The following MYCBP2 variants were observed in gnomAD, a reference collection of about 807,000 sequenced individuals.
MYCBP2 encodes E3 ubiquitin-protein ligase MYCBP2.
Under a neutral mutation model 525.3 loss-of-function variants are expected in MYCBP2, and 120 were observed. The observed-to-expected ratio is 0.23, with a 90% CI of 0.20 to 0.27. MYCBP2 has a LOEUF of 0.27. Among genes scored for constraint, MYCBP2 ranks in the 10% least tolerant of loss-of-function variants. The pLI, the probability that MYCBP2 is intolerant of heterozygous loss-of-function variation, is 1.00. For missense variants in MYCBP2, 4,149 were observed against 5,657.1 expected (o/e 0.73, Z 8.55); for synonymous variants, 1,894 against 1,955.8 (o/e 0.97, Z 0.83).
intron 38 of MYCBP2, among the ~76,000 whole-genome samples, chr13:77,170,577 CTT>C (rs1157749294): frequency 1.2e-4 from 17 of 138,926 alleles, no homozygotes; most frequent in Admixed American, 3.6e-4. Context: ...GTGGAGGTAA[CTT>C]TTTTTTTTTT....
At chr13:77,073,479 C>G (rs143250859) in intron 68 of MYCBP2, among the ~76,000 whole-genome samples, 1 of 152,132 alleles carries the variant, frequency 6.6e-6, no homozygotes, top group African/African-American at 2.4e-5. Flanking sequence ...AGATCCAGAA[C>G]AAGTCAGAGC....
chr13:77,188,181 A>G (rs1341301798), intron 30 of MYCBP2, among the ~76,000 whole-genome samples: 1 of 152,038 alleles, frequency 6.6e-6, no homozygotes, highest in Non-Finnish European at 1.5e-5. Context: ...TACTTTTAGG[A>G]TACTTTTATC....
rs899147963 is a variant in MYCBP2, at chr13:77,045,288, G to A, written c.*90C>T. 1.8e-5 allele frequency: 15 copies of A among 810,992 alleles called. No homozygotes were observed. The highest frequency in any genetic ancestry group is 5.1e-5 in the African/African-American group (3 of 58,956). 50.2% of individuals were successfully genotyped at this position (810,992 alleles called of 1,614,324 possible). A position where few individuals can be genotyped will look rare whatever the true frequency, so the allele number is the denominator to read the frequency against. ...TTTTCATGGATGTAAAAATGGTCCC[G>A]TCCTTATCCTGAGCAGAGTTTAAAC... On this transcript the variant is annotated 3_prime_UTR_variant, in exon 83 of 83. Transcript: ENST00000544440.
intron 21 of MYCBP2, among the ~76,000 whole-genome samples, chr13:77,217,456 C>A (rs1369801035): frequency 6.6e-6 from 1 of 152,034 alleles, no homozygotes; most frequent in African/African-American, 2.4e-5. Context: ...ATAAAAAAAA[C>A]TAGGCTTTTA....
At position 77,058,474 on chromosome 13, in the gene MYCBP2, T is replaced by C; in HGVS notation, c.13141-68A>G. The C allele has an allele frequency of 9.0e-6, 12 of 1,337,338 alleles. No individual in the cohort carries two copies. The highest frequency in any genetic ancestry group is 1.2e-5 in the Non-Finnish European group (12 of 1,006,678). The allele number at this position is 1,337,338 out of a possible 1,614,324, so 82.8% of individuals were successfully genotyped here. Reference sequence around the variant, plus strand: ...GCACACATTCTGGTAATTTTCCTTATTATATAAATTTCCAAAGATTACTTT... The same window carrying C: ...GCACACATTCTGGTAATTTTCCTTACTATATAAATTTCCAAAGATTACTTT... On this transcript the variant is annotated intron_variant, in intron 77 of 82. Coordinates refer to ENST00000544440, the MANE Select transcript of MYCBP2 (RefSeq NM_015057.5). The surrounding 1 kb of genome is among the most constrained non-coding windows in gnomAD (Gnocchi z 4.1).
intron 8 of MYCBP2, among the ~76,000 whole-genome samples, chr13:77,264,836 GA>G (rs2073850079): frequency 6.6e-6 from 1 of 151,328 alleles, no homozygotes; most frequent in Non-Finnish European, 1.5e-5. Context: ...TGTCCTTTTG[GA>G]AAAACAAATT....
At chr13:77,110,764 A>G (rs1228001777) in intron 55 of MYCBP2, among the ~76,000 whole-genome samples, 2 of 152,152 alleles carry the variant, frequency 1.3e-5, no homozygotes, top group South Asian at 2.1e-4. Context: ...GGGAAAATAG[A>G]AAGAACCTAC....
chr13:77,257,893 C>G, intron 13 of MYCBP2, 64 bp from the exon 14 acceptor site: 6 of 1,363,934 alleles, frequency 4.4e-6, no homozygotes, highest in Non-Finnish European at 5.9e-6. Flanking sequence ...AGTAAAAGAA[C>G]TACCTCAATG....
intron 55 of MYCBP2, among the ~76,000 whole-genome samples, chr13:77,104,336 T>C (rs1372755168): frequency 4.6e-5 from 7 of 152,088 alleles, no homozygotes; most frequent in Admixed American, 2.0e-4. Flanking sequence ...TGAGTATATA[T>C]TACGTGTTAG....
rs188830330 is a variant in MYCBP2, at chr13:77,321,795, T to C, written c.302+4679A>G. On this transcript the variant is annotated intron_variant, in intron 1 of 82. Transcript: ENST00000544440. ...TGCCTTTGTATCTTGCACTTCCAGA[T>C]AGACAGTAAACTCAAGTCTAGAATT... is the stretch of plus-strand genomic sequence containing the variant. Among the ~76,000 whole-genome samples the C allele has an allele frequency of 3.9e-4, 60 of 152,372 alleles. No individual in the cohort carries two copies. In the South Asian group the frequency reaches 0.011, roughly 28 times the overall value.
intron 52 of MYCBP2, among the ~76,000 whole-genome samples, chr13:77,132,818 G>A (rs1202774662): frequency 6.6e-6 from 1 of 152,050 alleles, no homozygotes; most frequent in African/African-American, 2.4e-5. Flanking sequence ...TCCTTGGTAG[G>A]TGCATAATAA....
At chr13:77,191,949 C>A (rs1323190215) in intron 27 of MYCBP2, 136 bp from the exon 28 acceptor site, 2 of 818,700 alleles carry the variant, frequency 2.4e-6, no homozygotes, top group Non-Finnish European at 3.8e-6. Flanking sequence ...ACATTAAAAA[C>A]ACTCTAAGAA....
chr13:77,275,681 T>G (rs1288929993), intron 4 of MYCBP2, among the ~76,000 whole-genome samples: 2 of 152,036 alleles, frequency 1.3e-5, no homozygotes, highest in Non-Finnish European at 2.9e-5. Flanking sequence ...TAAAAAATTT[T>G]TAAGTTAAAA....
At chr13:77,234,011 T>C (rs1352112279) in intron 17 of MYCBP2, among the ~76,000 whole-genome samples, 4 of 151,902 alleles carry the variant, frequency 2.6e-5, no homozygotes, top group South Asian at 2.1e-4. Context: ...CATATATATA[T>C]ACATATATAA....
intron 54 of MYCBP2, among the ~76,000 whole-genome samples, chr13:77,124,850 A>G (rs1193398323): frequency 6.6e-6 from 1 of 152,182 alleles, no homozygotes; most frequent in African/African-American, 2.4e-5. Context: ...AGCCATGTTG[A>G]AAAAGGTAAA....
At chr13:77,135,125 AG>A (rs1752256647) in intron 52 of MYCBP2, among the ~76,000 whole-genome samples, 1 of 152,198 alleles carries the variant, frequency 6.6e-6, no homozygotes, top group African/African-American at 2.4e-5. Context: ...TAACTAGAAA[AG>A]GTTGAAGAGA....
intron 70 of MYCBP2, 28 bp from the exon 71 acceptor site, chr13:77,067,892 T>C: frequency 8.3e-6 from 13 of 1,567,042 alleles, no homozygotes; most frequent in Non-Finnish European, 1.1e-5. Flanking sequence ...ATGAGAGAAT[T>C]CCATGTAAAG....
rs770081673 is a variant in MYCBP2, at chr13:77,058,916, C to T, written c.13141-510G>A. ...AGGAGAATCGCTTGAACCCGGGAGG[C>T]GGAGGTTGCAGTGAGCCGAGATCGT... is the stretch of plus-strand genomic sequence containing the variant. On this transcript the variant is annotated intron_variant, in intron 77 of 82. Coordinates refer to ENST00000544440, the MANE Select transcript of MYCBP2 (RefSeq NM_015057.5). The surrounding 1 kb of genome is among the most constrained non-coding windows in gnomAD (Gnocchi z 4.1). Among the ~76,000 whole-genome samples the T allele has an allele frequency of 1.3e-5, 2 of 152,034 alleles. No homozygotes were observed. Among genetic ancestry groups the T allele is most frequent in the African/African-American group, 2.4e-5 (1 of 41,376 alleles).
chr13:77,177,746 ACAT>A lies in MYCBP2; in HGVS notation c.5339_5340+1del, dbSNP rs2059850093. Reference sequence around the variant, plus strand: ...GATAAATACTAAAAGGGTGATACTTACATCATCAACCAACACCTCTAATTCATA... The same window carrying A: ...GATAAATACTAAAAGGGTGATACTTACATCAACCAACACCTCTAATTCATA... On this transcript the variant is annotated splice_donor_variant and coding_sequence_variant, in exon 35 of 83. Transcript: ENST00000544440. LOFTEE classifies it high-confidence loss of function. The A allele has an allele frequency of 6.2e-7, 1 of 1,603,954 alleles. No individual in the cohort carries two copies.
Sources: allele counts gnomAD v4.1 joint callset (sites outside exome capture counted in the v4.1 genomes callset), GRCh38; gene constraint gnomAD v4.1.1; non-coding constraint Gnocchi (gnomAD v3.1); transcripts MANE v1.5; gene names NCBI Gene and HGNC (gene_info 2026-07-23, HGNC 2026-07-21).